The following GRIN2A variants were observed in gnomAD, a reference collection of about 807,000 sequenced individuals.
The protein encoded by GRIN2A is glutamate receptor ionotropic, NMDA 2A.
GRIN2A carries 22 observed loss-of-function variants against 113.4 expected under a neutral mutation model. The observed-to-expected ratio is 0.19, with a 90% CI of 0.14 to 0.28. The LOEUF is 0.28. GRIN2A is among the 10% of genes least tolerant of loss of function. The probability of loss-of-function intolerance (pLI) is 1.00; values close to 1 mark genes in which losing one functional copy is unlikely to be tolerated. For synonymous variants in GRIN2A, 827 were observed against 738.4 expected (o/e 1.12, Z -1.94); for missense variants, 1,502 against 1,887.0 (o/e 0.80, Z 3.78).
At position 9,815,040 on chromosome 16, in the gene GRIN2A, A is replaced by AT. The variant is rs371827140; in HGVS notation, c.2168+7223_2168+7224insA. Among the ~76,000 whole-genome samples the AT allele has an allele frequency of 9.6e-4, 143 of 148,448 alleles. 2 individuals carry two copies. The highest frequency in any genetic ancestry group is 1.2e-3 in the East Asian group (6 of 5,138). The stretch of plus-strand genomic sequence containing the variant: ...CCGTTTCAAAAAAAAAAAAAAAAAA[A>AT]GGTACATTCCTAAATCCCACAGGCT... On this transcript the variant is annotated intron_variant, in intron 10 of 12. Transcript: ENST00000330684.
At chr16:9,796,565 G>C (rs1596418415) in intron 11 of GRIN2A, among the ~76,000 whole-genome samples, 1 of 152,250 alleles carries the variant, frequency 6.6e-6, no homozygotes, top group East Asian at 1.9e-4. Flanking sequence ...AAGGATGTTA[G>C]CAGACGTGAA....
intron 2 of GRIN2A, among the ~76,000 whole-genome samples, chr16:10,025,557 C>T (rs554331055): frequency 6.6e-6 from 1 of 152,186 alleles, no homozygotes; most frequent in Admixed American, 6.5e-5. Flanking sequence ...CTGCCTCGGC[C>T]TCCCTAAGTG....
intron 2 of GRIN2A, among the ~76,000 whole-genome samples, chr16:10,103,753 A>G (rs1437092006): frequency 6.6e-6 from 1 of 152,172 alleles, no homozygotes; most frequent in African/African-American, 2.4e-5. Flanking sequence ...TAGCTCTTCC[A>G]CATACTTTTT....
intron 10 of GRIN2A, among the ~76,000 whole-genome samples, chr16:9,809,592 A>C (rs1265248899): frequency 6.6e-6 from 1 of 152,058 alleles, no homozygotes; most frequent in Non-Finnish European, 1.5e-5. Context: ...TTTAATGAGA[A>C]GCAATATAGC....
In GRIN2A at chr16:9,913,860, G is replaced by A. The variant is rs143704102; in HGVS notation, c.1008-22760C>T. 4.4e-4 allele frequency among the ~76,000 whole-genome samples: 67 copies of A among 152,152 alleles called. 1 individual carries two copies. Among genetic ancestry groups the A allele is most frequent in the African/African-American group, 1.5e-3 (61 of 41,514 alleles). ...GCTTAAAATGTAGAAGGCAGATAAC[G>A]TTTGGGCTTGAAGTTTGAAATAACA... On this transcript the variant is annotated intron_variant, in intron 3 of 12. Transcript: ENST00000330684.
chr16:9,930,925 CTGCAGGGGTAATAATTTACAA>C (rs1477063176), intron 3 of GRIN2A, among the ~76,000 whole-genome samples: 1 of 152,172 alleles, frequency 6.6e-6, no homozygotes, highest in Non-Finnish European at 1.5e-5. Flanking sequence ...ATTTCCCTTT[CTGCAGGGGTAATAATTTACAA>C]TGTTGTTGGT....
rs1232850301 is a variant in GRIN2A, at chr16:10,145,104, T to C, written c.414+34894A>G. Among the ~76,000 whole-genome samples the C allele has an allele frequency of 7.2e-5, 11 of 151,988 alleles. No homozygotes were observed. The South Asian group carries it at 2.1e-3, about 29-fold the overall frequency. On this transcript the variant is annotated intron_variant, in intron 2 of 12. Transcript: ENST00000330684. ...ATTACAGAGGACAAAAACTGCATGA[T>C]TCCACCCATACAGGATATCTAAAAT...
chr16:10,142,415 GA>G (rs992812900), intron 2 of GRIN2A, among the ~76,000 whole-genome samples: 6 of 152,194 alleles, frequency 3.9e-5, no homozygotes, highest in African/African-American at 1.4e-4. Flanking sequence ...CAACGAAAGT[GA>G]CCAGGCATAG....
intron 2 of GRIN2A, among the ~76,000 whole-genome samples, chr16:10,152,207 G>A (rs530161966): frequency 1.3e-5 from 2 of 152,292 alleles, no homozygotes; most frequent in South Asian, 4.2e-4. Context: ...TGTGGCTAGT[G>A]CCATTTCCAT....
intron 5 of GRIN2A, 42 bp from the exon 6 acceptor site, chr16:9,841,146 A>C: frequency 3.3e-6 from 5 of 1,523,544 alleles, no homozygotes; most frequent in Non-Finnish European, 4.6e-6. Context: ...TTAGCACTGG[A>C]AGGTTTGTTC....
intron 11 of GRIN2A, among the ~76,000 whole-genome samples, chr16:9,769,890 A>T (rs1436481689): frequency 2.0e-5 from 3 of 152,178 alleles, no homozygotes; most frequent in Non-Finnish European, 4.4e-5. Flanking sequence ...TAGAAAAGTC[A>T]CACATGAGCA....
intron 8 of GRIN2A, among the ~76,000 whole-genome samples, chr16:9,833,185 A>G (rs2042526983): frequency 6.6e-6 from 1 of 152,300 alleles, no homozygotes; most frequent in South Asian, 2.1e-4. Context: ...CTAGAGTGGG[A>G]TCCTTTTAAT....
At chr16:9,844,014 C>T (rs1170448267) in intron 5 of GRIN2A, among the ~76,000 whole-genome samples, 1 of 152,126 alleles carries the variant, frequency 6.6e-6, no homozygotes, top group Non-Finnish European at 1.5e-5. Context: ...TCGCTGTTGG[C>T]CATGCACTGA....
At chr16:10,125,222 C>T (rs557599776) in intron 2 of GRIN2A, among the ~76,000 whole-genome samples, 1 of 152,328 alleles carries the variant, frequency 6.6e-6, no homozygotes, top group African/African-American at 2.4e-5. Context: ...GACCTCTTGA[C>T]GCCTTCTACT....
At chr16:10,000,785 T>G (rs1395762668) in intron 2 of GRIN2A, among the ~76,000 whole-genome samples, 1 of 152,224 alleles carries the variant, frequency 6.6e-6, no homozygotes, top group Non-Finnish European at 1.5e-5. Context: ...CTTCATTTAT[T>G]TATTTTTCTA....
chr16:10,121,281 C>G (rs2048827659), intron 2 of GRIN2A: 1 of 152,304 alleles, frequency 6.6e-6, no homozygotes, highest in African/African-American at 2.4e-5. Flanking sequence ...CATTTTGCCC[C>G]ATGTCTTGGC....
chr16:9,833,988 A>G (rs2042543540), intron 8 of GRIN2A, 117 bp downstream of exon 8: 11 of 1,022,888 alleles, frequency 1.1e-5, no homozygotes, highest in Non-Finnish European at 1.7e-5. Flanking sequence ...AAGTGCTGGG[A>G]TTACAGGCGT....
chr16:9,779,117 T>C (rs1248481453), intron 11 of GRIN2A, among the ~76,000 whole-genome samples: 1 of 152,128 alleles, frequency 6.6e-6, no homozygotes, highest in Non-Finnish European at 1.5e-5. Flanking sequence ...CACTTTAAGT[T>C]TGCAGGCAAA....
intron 2 of GRIN2A, among the ~76,000 whole-genome samples, chr16:10,148,825 T>C (rs530080464): frequency 6.6e-6 from 1 of 152,334 alleles, no homozygotes; most frequent in Middle Eastern, 3.4e-3. Flanking sequence ...ACAACCTAAG[T>C]GTCTACCAAC....
Sources: allele counts gnomAD v4.1 joint callset (sites outside exome capture counted in the v4.1 genomes callset), GRCh38; gene constraint gnomAD v4.1.1; transcripts MANE v1.5; gene names NCBI Gene and HGNC (gene_info 2026-07-23, HGNC 2026-07-21).